The following IL18RAP variants were observed in gnomAD, a reference collection of about 807,000 sequenced individuals.
IL18RAP encodes interleukin 18 receptor accessory protein, also known as interleukin-18 receptor accessory protein.
Under a neutral mutation model 58.1 loss-of-function variants are expected in IL18RAP, and 37 were observed. That is an observed-to-expected ratio of 0.64 (90% CI 0.49 to 0.84). The LOEUF is 0.84. Ranked by LOEUF, IL18RAP falls within the 40% of genes least tolerant of loss-of-function variation. The pLI is 0.00. For missense variants in IL18RAP, 667 were observed against 704.8 expected, an observed-to-expected ratio of 0.95 and a Z score of 0.61; for synonymous variants, 268 against 257.5, an observed-to-expected ratio of 1.04 and a Z score of -0.39.
chr2:102,447,478 AT>A (rs1223088078), intron 8 of IL18RAP, among the ~76,000 whole-genome samples: 1 of 152,034 alleles, frequency 6.6e-6, no homozygotes, highest in Admixed American at 6.5e-5. Flanking sequence ...AGAAACAATT[AT>A]TTTTTTCATT....
rs1171964543 is a variant in IL18RAP, at chr2:102,423,812, T to C, written c.72T>C (p.Gly24=). The change falls in exon 2 of 10, where the codon GGT becomes GGC. Residue 24 remains glycine (G), a splice_region_variant and synonymous_variant. Transcript: ENST00000687160. The part of the protein sequence containing the change: ...GERIKGFNIS[G]CSTKKLLWTY... ...TGCTTTGTTTATTATGATTTTCAGG[T>C]TGTTCCACAAAAAAACTCCTTTGGA... 1.2e-6 allele frequency: 2 copies of C among 1,607,334 alleles called. No individual in the cohort carries two copies. Among genetic ancestry groups the C allele is most frequent in the Non-Finnish European group, 8.5e-7 (1 of 1,174,828 alleles).
At chr2:102,429,772 C>T (rs1032032370) in intron 3 of IL18RAP, among the ~76,000 whole-genome samples, 1 of 151,932 alleles carries the variant, frequency 6.6e-6, no homozygotes, top group Non-Finnish European at 1.5e-5. Flanking sequence ...TGTGTTTTAA[C>T]TTGTTTGTCT....
intron 8 of IL18RAP, 24 bp downstream of exon 8, chr2:102,447,231 C>T (rs1558647319): frequency 6.2e-7 from 1 of 1,605,090 alleles, no homozygotes; most frequent in Non-Finnish European, 8.5e-7. Context: ...CACATGCAGC[C>T]CTCTGACTTT....
upstream of IL18RAP, chr2:102,418,671 T>C (rs1681390489): frequency 6.6e-6 from 1 of 152,336 alleles, no homozygotes; most frequent in African/African-American, 2.4e-5. Context: ...GATTTTCCTC[T>C]GTATGACCAT....
intron 8 of IL18RAP, among the ~76,000 whole-genome samples, chr2:102,448,412 G>A (rs1414337247): frequency 3.3e-5 from 5 of 152,158 alleles, no homozygotes; most frequent in Admixed American, 6.5e-5. Flanking sequence ...AGATAATCAT[G>A]TTCATTGATG....
rs139969435 is a variant in IL18RAP at position 102,423,329 on chromosome 2, A to G, written c.52A>G (p.Lys18Glu). ...FLWLVAGERI[K>E]GFNISGCSTK... The stretch of plus-strand genomic sequence containing the variant: ...TTGGCTTGTTGCAGGAGAGCGAATT[A>G]AAGGATTTAATATTTCAGGTAGGGG... The change falls in exon 1 of 10, where the codon AAA (lysine) becomes GAA (glutamate). Residue 18 changes from lysine to glutamate, a missense_variant. Coordinates refer to ENST00000687160, the MANE Select transcript of IL18RAP (RefSeq NM_001393487.1). The G allele has an allele frequency of 9.9e-6, 16 of 1,613,902 alleles. No homozygotes were observed. In the African/African-American group the frequency reaches 2.0e-4, roughly 20 times the overall value.
Position 102,423,186 on chromosome 2 carries a change from G to C in IL18RAP, c.-92G>C, listed in dbSNP as rs1408849883. On this transcript the variant is annotated 5_prime_UTR_variant, in exon 1 of 10. Coordinates refer to ENST00000687160, the MANE Select transcript of IL18RAP (RefSeq NM_001393487.1). ...CATTTCTTGATTTACAGAAATGAAG[G>C]GGATACTCAGGGCAGAGTTCTGAAT... The C allele has an allele frequency of 6.4e-6, 7 of 1,099,992 alleles. No homozygotes were observed. The highest frequency in any genetic ancestry group is 5.3e-5 in the Admixed American group (3 of 56,322). The allele number at this position is 1,099,992 out of a possible 1,614,324, so 68.1% of individuals were successfully genotyped here.
intron 3 of IL18RAP, chr2:102,435,082 A>G (rs1372438758): frequency 6.6e-6 from 1 of 152,218 alleles, no homozygotes; most frequent in Non-Finnish European, 1.5e-5. Context: ...ACTACACTTA[A>G]CGGGAAAGAG....
chr2:102,426,456 A>G (rs1182743129), intron 3 of IL18RAP, among the ~76,000 whole-genome samples: 1 of 152,096 alleles, frequency 6.6e-6, no homozygotes, highest in African/African-American at 2.4e-5. Flanking sequence ...TTTATTTTAA[A>G]ATTATTTTTA....
intron 3 of IL18RAP, among the ~76,000 whole-genome samples, chr2:102,427,762 G>T (rs968951820): frequency 6.6e-6 from 1 of 151,904 alleles, no homozygotes; most frequent in African/African-American, 2.4e-5. Context: ...ATATTCAAAA[G>T]AATATTTGCC....
intron 3 of IL18RAP, among the ~76,000 whole-genome samples, chr2:102,435,843 AT>A (rs60082330): frequency 0.51 from 69,743 of 137,380 alleles, 16,482 homozygotes; most frequent in Non-Finnish European, 0.55. Flanking sequence ...CAGTGTCTTC[AT>A]TTTTTTTTTT....
chr2:102,429,877 A>G (rs1173897993), intron 3 of IL18RAP, among the ~76,000 whole-genome samples: 2 of 151,940 alleles, frequency 1.3e-5, no homozygotes, highest in African/African-American at 4.8e-5. Context: ...ATATTTTCCA[A>G]GATATTTTCT....
At chr2:102,448,960 CAAAAAA>C (rs10566180) in intron 8 of IL18RAP, among the ~76,000 whole-genome samples, 72 of 67,232 alleles carry the variant, frequency 1.1e-3, no homozygotes, top group African/African-American at 4.4e-3. Context: ...TACCCTATCT[CAAAAAA>C]AAAAAAAAAA....
chr2:102,451,695 C>T, intron 9 of IL18RAP, 71 bp from the exon 10 acceptor site: 1 of 1,237,132 alleles, frequency 8.1e-7, no homozygotes, highest in Non-Finnish European at 1.2e-6. Context: ...GTAAGAGAAT[C>T]CATTGCAAGG....
intron 4 of IL18RAP, 104 bp downstream of exon 4, chr2:102,437,466 C>T: frequency 3.6e-6 from 4 of 1,123,214 alleles, no homozygotes; most frequent in Non-Finnish European, 5.0e-6. Context: ...AAAGGATAGT[C>T]ATATACTTGT....
intron 3 of IL18RAP, among the ~76,000 whole-genome samples, chr2:102,427,264 T>C (rs1314734847): frequency 6.6e-6 from 1 of 152,156 alleles, no homozygotes. Flanking sequence ...TTTGGATATG[T>C]ACCCAAAAGT....
rs1484013709 is a variant in IL18RAP at position 102,452,129 on chromosome 2, G to A, written c.1748G>A (p.Gly583Glu). 6.2e-7 allele frequency: 1 copy of A among 1,614,012 alleles called. No homozygotes were observed. Among genetic ancestry groups the A allele is most frequent in the Admixed American group, 1.7e-5 (1 of 60,002 alleles). Residue 583 changes from glycine (G) to glutamate (E), a missense_variant, in exon 10 of 10, where the codon GGA (glycine) becomes GAA (glutamate). Coordinates refer to ENST00000687160, the MANE Select transcript of IL18RAP (RefSeq NM_001393487.1). Reference sequence around the variant, plus strand: ...ACCTCTAGGATTTTTCAGTGGAAAGGACTCAGTAGAACAGAAACCACTGGG... The same window carrying A: ...ACCTCTAGGATTTTTCAGTGGAAAGAACTCAGTAGAACAGAAACCACTGGG... ...RITSRIFQWK[G>E]LSRTETTGRS... is the part of the protein sequence containing the mutation.
intron 9 of IL18RAP, 118 bp downstream of exon 9, chr2:102,451,139 G>A: frequency 1.3e-6 from 1 of 752,810 alleles, no homozygotes; most frequent in African/African-American, 1.8e-5. Context: ...CATGAGGTTA[G>A]AACATCTTGG....
chr2:102,438,924 C>T (rs1216297133), intron 4 of IL18RAP: 1 of 152,262 alleles, frequency 6.6e-6, no homozygotes, highest in Non-Finnish European at 1.5e-5. Flanking sequence ...CCCACCAGAC[C>T]CAACCTGGGG....
Sources: gnomAD v4.1 joint callset for allele counts (sites outside exome capture counted in the v4.1 genomes callset) on GRCh38, gnomAD v4.1.1 for gene constraint, MANE v1.5 for transcripts, NCBI Gene and HGNC (gene_info 2026-07-23, HGNC 2026-07-21) for gene names.